IMMP2L: variants seen among roughly 807,000 people sequenced by gnomAD.
The protein encoded by IMMP2L is mitochondrial inner membrane protease subunit 2.
In IMMP2L, 18 loss-of-function variants were observed where a neutral mutation model predicts 19.3. The ratio of observed to expected loss-of-function variants is 0.93; its 90% CI spans 0.64 to 1.38. IMMP2L has a LOEUF of 1.38. Among genes scored for constraint, IMMP2L ranks in the 40% most tolerant of loss-of-function variants. IMMP2L has a pLI of 0.00. For synonymous variants in IMMP2L, 76 were observed against 73.0 expected (o/e 1.04, Z -0.21); for missense variants, 233 against 218.2 (o/e 1.07, Z -0.43).
At chr7:110,712,854 C>A (rs1483705412) in intron 5 of IMMP2L, among the ~76,000 whole-genome samples, 1 of 124,660 alleles carries the variant, frequency 8.0e-6, no homozygotes, top group Admixed American at 8.1e-5. Flanking sequence ...GGCAATGCCT[C>A]ACCCTGCTTC....
intron 3 of IMMP2L, among the ~76,000 whole-genome samples, chr7:111,035,024 A>T (rs1037815168): frequency 6.6e-6 from 1 of 152,152 alleles, no homozygotes; most frequent in Non-Finnish European, 1.5e-5. Flanking sequence ...CAGTTTTTTA[A>T]ATCATTTTCT....
intron 3 of IMMP2L, among the ~76,000 whole-genome samples, chr7:111,256,337 C>G (rs1009562478): frequency 6.6e-6 from 1 of 151,984 alleles, no homozygotes; most frequent in Non-Finnish European, 1.5e-5. Context: ...TACATATGAA[C>G]TATAACAATT....
chr7:111,360,305 T>C (rs972822556), intron 3 of IMMP2L, among the ~76,000 whole-genome samples: 2 of 152,168 alleles, frequency 1.3e-5, no homozygotes, highest in Non-Finnish European at 2.9e-5. Flanking sequence ...TTTAAAGCAG[T>C]GTCCCCATAG....
intron 3 of IMMP2L, among the ~76,000 whole-genome samples, chr7:111,141,441 T>C (rs1197969846): frequency 1.3e-5 from 2 of 148,280 alleles, no homozygotes; most frequent in Admixed American, 6.8e-5. Context: ...CATTTCTTTC[T>C]TTTTTTTTTG....
At chr7:110,801,975 A>G (rs1488316903) in intron 5 of IMMP2L, among the ~76,000 whole-genome samples, 1 of 152,076 alleles carries the variant, frequency 6.6e-6, no homozygotes, top group Non-Finnish European at 1.5e-5. Flanking sequence ...CTCATTCCAT[A>G]TGACAGTGAA....
intron 1 of IMMP2L, among the ~76,000 whole-genome samples, chr7:111,538,258 G>T (rs1233559147): frequency 6.6e-6 from 1 of 152,058 alleles, no homozygotes; most frequent in Non-Finnish European, 1.5e-5. Flanking sequence ...CCACTTAGCT[G>T]TCCATATAAA....
intron 3 of IMMP2L, among the ~76,000 whole-genome samples, chr7:111,463,358 CTGT>C (rs1397147472): frequency 6.6e-6 from 1 of 152,154 alleles, no homozygotes; most frequent in Admixed American, 6.5e-5. Context: ...TGGTTAATCT[CTGT>C]TGCCCTCTAA....
chr7:111,400,303 C>A (rs948232532), intron 3 of IMMP2L, among the ~76,000 whole-genome samples: 2 of 152,128 alleles, frequency 1.3e-5, no homozygotes, highest in Non-Finnish European at 2.9e-5. Flanking sequence ...CTAACGATTG[C>A]AACAGTGAAT....
intron 2 of IMMP2L, among the ~76,000 whole-genome samples, chr7:111,512,374 G>T (rs1296280998): frequency 1.3e-5 from 2 of 152,010 alleles, no homozygotes; most frequent in African/African-American, 2.4e-5. Context: ...TGGGAGTGAG[G>T]ATTAACTTCA....
chr7:110,959,055 C>T (rs1188155510), intron 4 of IMMP2L, among the ~76,000 whole-genome samples: 1 of 151,934 alleles, frequency 6.6e-6, no homozygotes, highest in Non-Finnish European at 1.5e-5. Context: ...AGGAGTGTAA[C>T]TACCAGAACA....
intron 3 of IMMP2L, among the ~76,000 whole-genome samples, chr7:111,468,519 A>C (rs926117951): frequency 1.3e-5 from 2 of 152,122 alleles, no homozygotes; most frequent in African/African-American, 4.8e-5. Flanking sequence ...TGACTTTTAG[A>C]GGAGAGAGAA....
At chr7:111,487,608 A>C (rs558786678) in intron 2 of IMMP2L, among the ~76,000 whole-genome samples, 1 of 152,294 alleles carries the variant, frequency 6.6e-6, no homozygotes, top group East Asian at 1.9e-4. Context: ...AACTCCAATA[A>C]AGAGGTATGA....
rs907446222 is a variant in IMMP2L, at chr7:111,075,150, G to A, written c.240-111585C>T. Among the ~76,000 whole-genome samples the A allele has an allele frequency of 9.8e-4, 102 of 103,846 alleles. 1 individual carries two copies. The highest frequency in any genetic ancestry group is 9.1e-3 in the Middle Eastern group (1 of 110). The allele number at this position is 103,846 out of a possible 152,430, so 68.1% of individuals were successfully genotyped here. ...TTTTTTTTTTTTTTTTTTTTGAGAT[G>A]GAATCTCTCTCTGTCACCCAGGCTG... On this transcript the variant is annotated intron_variant, in intron 3 of 5. Transcript: ENST00000405709.
At chr7:111,021,478 C>T (rs975020148) in intron 3 of IMMP2L, among the ~76,000 whole-genome samples, 1 of 152,214 alleles carries the variant, frequency 6.6e-6, no homozygotes, top group Non-Finnish European at 1.5e-5. Flanking sequence ...ACTCACAGTT[C>T]TACATGCCTG....
At chr7:110,721,046 T>C (rs2130766276) in intron 5 of IMMP2L, among the ~76,000 whole-genome samples, 1 of 151,608 alleles carries the variant, frequency 6.6e-6, no homozygotes, top group Non-Finnish European at 1.5e-5. Flanking sequence ...ATATGCCTGT[T>C]ATACAAAAAT....
At chr7:110,925,437 A>T (rs570148448) in intron 4 of IMMP2L, among the ~76,000 whole-genome samples, 18 of 152,118 alleles carry the variant, frequency 1.2e-4, no homozygotes, top group East Asian at 1.9e-4. Context: ...TTAAAAATAA[A>T]TTTTTTTTAA....
chr7:110,866,677 C>T (rs1808013451), intron 5 of IMMP2L, among the ~76,000 whole-genome samples: 1 of 152,078 alleles, frequency 6.6e-6, no homozygotes, highest in Admixed American at 6.6e-5. Flanking sequence ...AAGTTAATTA[C>T]TCTTTTAAGG....
chr7:111,255,046 A>G (rs944852980), intron 3 of IMMP2L, among the ~76,000 whole-genome samples: 5 of 152,092 alleles, frequency 3.3e-5, no homozygotes, highest in African/African-American at 9.7e-5. Context: ...ACATGAATAC[A>G]TCAAGGTTTT....
At chr7:110,746,521 G>A (rs1428651733) in intron 5 of IMMP2L, among the ~76,000 whole-genome samples, 3 of 152,094 alleles carry the variant, frequency 2.0e-5, no homozygotes, top group Non-Finnish European at 2.9e-5. Flanking sequence ...ACATGCCACA[G>A]CAAATGCAAA....
Sources: gnomAD v4.1 joint callset for allele counts (sites outside exome capture counted in the v4.1 genomes callset) on GRCh38, gnomAD v4.1.1 for gene constraint, MANE v1.5 for transcripts, NCBI Gene and HGNC (gene_info 2026-07-23, HGNC 2026-07-21) for gene names.